FHIT: variants seen among roughly 807,000 people sequenced by gnomAD.
FHIT encodes bis(5'-adenosyl)-triphosphatase.
FHIT carries 19 observed loss-of-function variants against 17.9 expected under a neutral mutation model. That is an observed-to-expected ratio of 1.06 (90% CI 0.74 to 1.56). The LOEUF (loss-of-function observed/expected upper bound fraction) is 1.56, where lower values mean the gene tolerates loss of function less well. Ranked by LOEUF, FHIT falls within the 40% of genes most tolerant of loss-of-function variation. The pLI is 0.00. For synonymous variants in FHIT, 81 were observed against 69.7 expected, an observed-to-expected ratio of 1.16 and a Z score of -0.81; for missense variants, 248 against 189.2, an observed-to-expected ratio of 1.31 and a Z score of -1.82.
intron 4 of FHIT, among the ~76,000 whole-genome samples, chr3:60,675,579 G>A (rs538583679): frequency 3.9e-5 from 6 of 152,312 alleles, no homozygotes; most frequent in East Asian, 1.9e-4. Context: ...TTCCAATACC[G>A]TCATCACAAC....
At chr3:60,150,551 G>C (rs1189667731) in intron 5 of FHIT, among the ~76,000 whole-genome samples, 1 of 152,126 alleles carries the variant, frequency 6.6e-6, no homozygotes, top group Non-Finnish European at 1.5e-5. Flanking sequence ...GCATTCTTTA[G>C]TCTCAGGTGA....
chr3:59,997,054 C>T (rs1330007677), intron 7 of FHIT, among the ~76,000 whole-genome samples: 43 of 152,110 alleles, frequency 2.8e-4, no homozygotes, highest in Non-Finnish European at 1.5e-5. Flanking sequence ...GTTCAAAAAG[C>T]ATTTATTGAG....
chr3:59,990,280 T>C (rs1438556012), intron 7 of FHIT, among the ~76,000 whole-genome samples: 1 of 151,708 alleles, frequency 6.6e-6, no homozygotes, highest in Non-Finnish European at 1.5e-5. Flanking sequence ...ATGATGAGAG[T>C]GAGGGGAATG....
chr3:60,280,946 T>C (rs187792329), intron 5 of FHIT, among the ~76,000 whole-genome samples: 1 of 56,822 alleles, frequency 1.8e-5, no homozygotes, highest in East Asian at 4.8e-3. Context: ...TCCTAAAAAA[T>C]TGACAAAACA....
intron 4 of FHIT, among the ~76,000 whole-genome samples, chr3:60,625,754 C>T (rs558887067): frequency 6.9e-6 from 1 of 145,670 alleles, no homozygotes; most frequent in Admixed American, 6.8e-5. Flanking sequence ...TGTCTTTTTC[C>T]ATTTGTTGCT....
intron 3 of FHIT, among the ~76,000 whole-genome samples, chr3:60,907,571 G>A (rs1553764866): frequency 6.6e-6 from 1 of 152,156 alleles, no homozygotes; most frequent in South Asian, 2.1e-4. Context: ...CATGTGGAGA[G>A]TGATAACAGT....
chr3:59,927,472 A>AAAAAC (rs1553718383), intron 7 of FHIT, among the ~76,000 whole-genome samples: 64 of 146,792 alleles, frequency 4.4e-4, no homozygotes, highest in African/African-American at 1.7e-3. Flanking sequence ...TTAAAAAAAA[A>AAAAAC]AAAAAAAACT....
At chr3:60,635,620 A>G (rs555020477) in intron 4 of FHIT, among the ~76,000 whole-genome samples, 78 of 152,284 alleles carry the variant, frequency 5.1e-4, no homozygotes, top group African/African-American at 1.7e-3. Context: ...TACTCCATAA[A>G]TATTTGCTGC....
At chr3:60,460,773 A>G (rs2032412234) in intron 5 of FHIT, among the ~76,000 whole-genome samples, 1 of 152,338 alleles carries the variant, frequency 6.6e-6, no homozygotes, top group South Asian at 2.1e-4. Flanking sequence ...CTGATCCAAT[A>G]GTCACTCTAA....
chr3:59,859,248 T>C (rs151073343), intron 8 of FHIT, among the ~76,000 whole-genome samples: 1 of 152,182 alleles, frequency 6.6e-6, no homozygotes, highest in African/African-American at 2.4e-5. Context: ...TGATGTGATA[T>C]GCTGAGAAGA....
At chr3:59,825,548 T>G (rs1700947553) in intron 8 of FHIT, among the ~76,000 whole-genome samples, 1 of 152,208 alleles carries the variant, frequency 6.6e-6, no homozygotes, top group African/African-American at 2.4e-5. Context: ...TGAAGATTTC[T>G]CCAATATCAA....
At chr3:60,363,763 G>C (rs112800084) in intron 5 of FHIT, among the ~76,000 whole-genome samples, 3 of 152,054 alleles carry the variant, frequency 2.0e-5, no homozygotes, top group African/African-American at 4.8e-5. Flanking sequence ...GGCCCCCCTG[G>C]CCCCCCTGGC....
chr3:60,330,792 A>G (rs1216066508), intron 5 of FHIT, among the ~76,000 whole-genome samples: 1 of 152,208 alleles, frequency 6.6e-6, no homozygotes, highest in Non-Finnish European at 1.5e-5. Context: ...ACGTGTTACA[A>G]TTACATCTTG....
At chr3:60,761,592 C>T (rs984327363) in intron 4 of FHIT, among the ~76,000 whole-genome samples, 1 of 148,544 alleles carries the variant, frequency 6.7e-6, no homozygotes. Context: ...TGTTCTAATA[C>T]AAACTGACAC....
intron 7 of FHIT, among the ~76,000 whole-genome samples, chr3:59,989,604 C>T (rs1709138404): frequency 6.6e-6 from 1 of 152,026 alleles, no homozygotes; most frequent in African/African-American, 2.4e-5. Flanking sequence ...AAAACAATCA[C>T]ATTCTACAAT....
At chr3:60,844,511 T>TA (rs1221227784) in intron 3 of FHIT, among the ~76,000 whole-genome samples, 1 of 151,900 alleles carries the variant, frequency 6.6e-6, no homozygotes, top group African/African-American at 2.4e-5. Flanking sequence ...TCTATTTTTT[T>TA]AAAAAAAAAT....
intron 4 of FHIT, among the ~76,000 whole-genome samples, chr3:60,616,058 A>G (rs1553675782): frequency 1.3e-5 from 2 of 152,170 alleles, no homozygotes; most frequent in African/African-American, 4.8e-5. Context: ...CTTGTCAGTA[A>G]TATCACTTGT....
At chr3:61,195,180 T>C (rs1327364835) in intron 2 of FHIT, among the ~76,000 whole-genome samples, 2 of 152,030 alleles carry the variant, frequency 1.3e-5, no homozygotes, top group African/African-American at 4.8e-5. Context: ...AAAGTTCTCA[T>C]TGCTTTTGTA....
chr3:60,128,954 G>T (rs557272756), intron 5 of FHIT, among the ~76,000 whole-genome samples: 1 of 151,304 alleles, frequency 6.6e-6, no homozygotes, highest in Non-Finnish European at 1.5e-5. Context: ...TTTTAACAAC[G>T]TAATTCTATT....
Sources: gnomAD v4.1 joint callset for allele counts (sites outside exome capture counted in the v4.1 genomes callset) on GRCh38, gnomAD v4.1.1 for gene constraint, MANE v1.5 for transcripts, NCBI Gene and HGNC (gene_info 2026-07-23, HGNC 2026-07-21) for gene names.